Variants in TBC1D31 observed in about 807,000 individuals in gnomAD.
TBC1D31 encodes TBC1 domain family member 31.
A neutral mutation model predicts 132.9 loss-of-function variants in TBC1D31; 99 were observed. The ratio of observed to expected loss-of-function variants is 0.74; its 90% CI spans 0.63 to 0.88. The LOEUF (loss-of-function observed/expected upper bound fraction) is 0.88, where lower values mean the gene tolerates loss of function less well. Ranked by LOEUF, TBC1D31 falls within the 40% of genes least tolerant of loss-of-function variation. The pLI is 0.00. For synonymous variants in TBC1D31, 385 were observed against 419.4 expected (o/e 0.92, Z 1.00); for missense variants, 1,134 against 1,256.6 (o/e 0.90, Z 1.48).
chr8:123,073,009 C>G (rs774854579), intron 1 of TBC1D31, among the ~76,000 whole-genome samples, 163 bp downstream of exon 1: 2 of 152,172 alleles, frequency 1.3e-5, no homozygotes, highest in Non-Finnish European at 2.9e-5. Flanking sequence ...CGCCAGGGTC[C>G]GCAGAGATCC....
intron 10 of TBC1D31, among the ~76,000 whole-genome samples, 178 bp from the exon 11 acceptor site, chr8:123,119,877 T>C (rs1819305881): frequency 6.6e-6 from 1 of 152,178 alleles, no homozygotes; most frequent in Non-Finnish European, 1.5e-5. Flanking sequence ...ATACTACCAT[T>C]TGTGGTTTTT....
rs537913698 is a variant in TBC1D31, at chr8:123,078,758, T to C, written c.224+1501T>C. On this transcript the variant is annotated intron_variant, in intron 2 of 21. Transcript: ENST00000287380. ...GTCATATTGGAGATGGGTCATGCAT[T>C]GAATAAAATTGAAATCTATGAGTTC... Among the ~76,000 whole-genome samples, 10 of 152,226 alleles carry C rather than the reference T, an allele frequency of 6.6e-5. No individual in the cohort carries two copies. The East Asian group carries it at 1.7e-3, about 26-fold the overall frequency.
At chr8:123,079,695 T>C (rs926433857) in intron 2 of TBC1D31, among the ~76,000 whole-genome samples, 2 of 152,226 alleles carry the variant, frequency 1.3e-5, no homozygotes, top group Non-Finnish European at 2.9e-5. Flanking sequence ...TGCAAACCTT[T>C]ACCAATTTCC....
chr8:123,073,258 C>A, intron 1 of TBC1D31: 1 of 465,346 alleles, frequency 2.1e-6, no homozygotes. Flanking sequence ...GACAATTCTG[C>A]CTCTTCCAAA....
chr8:123,083,939 G>A, intron 3 of TBC1D31: 1 of 440,520 alleles, frequency 2.3e-6, no homozygotes, highest in Non-Finnish European at 4.0e-6. Flanking sequence ...CTTCATCAAA[G>A]CCTTTGTCAG....
chr8:123,161,874 C>T, the TBC1D31 span, among the ~76,000 whole-genome samples: 11 of 151,612 alleles, frequency 7.3e-5, no homozygotes, highest in Non-Finnish European at 1.5e-4. Flanking sequence ...AAAAATTAGC[C>T]GGGCGTGGTG....
the TBC1D31 span, among the ~76,000 whole-genome samples, chr8:123,160,684 C>T: frequency 1.3e-5 from 2 of 152,172 alleles, no homozygotes; most frequent in Non-Finnish European, 2.9e-5. Flanking sequence ...GGACACACCG[C>T]GCCACTAGCC....
chr8:123,134,300 G>C (rs1023762265), intron 17 of TBC1D31, 94 bp downstream of exon 17: 90 of 921,066 alleles, frequency 9.8e-5, no homozygotes, highest in Non-Finnish European at 1.5e-4. Flanking sequence ...AGGATGAGGT[G>C]GAAGGAGGAT....
At chr8:123,102,298 G>A (rs1159663263) in intron 7 of TBC1D31, 1 of 456,266 alleles carries the variant, frequency 2.2e-6, no homozygotes, top group South Asian at 1.6e-5. Flanking sequence ...AGCAGTTCTG[G>A]GTGTTCCAAT....
chr8:123,123,338 C>T (rs1004842471), intron 11 of TBC1D31: 7 of 173,104 alleles, frequency 4.0e-5, no homozygotes, highest in African/African-American at 1.7e-4. Context: ...AACCTACACC[C>T]CTCCTAAAGG....
chr8:123,105,219 T>A, intron 7 of TBC1D31, 69 bp from the exon 8 acceptor site: 1 of 1,208,012 alleles, frequency 8.3e-7, no homozygotes, highest in Non-Finnish European at 1.1e-6. Context: ...ATTTTGAAAA[T>A]CATACATTAA....
chr8:123,076,019 GA>G (rs938424047), intron 1 of TBC1D31, among the ~76,000 whole-genome samples: 5 of 152,116 alleles, frequency 3.3e-5, no homozygotes, highest in African/African-American at 7.2e-5. Flanking sequence ...GTAGAAAGGG[GA>G]AAAAAATTAA....
chr8:123,161,900 C>G, the TBC1D31 span, among the ~76,000 whole-genome samples: 3 of 151,432 alleles, frequency 2.0e-5, no homozygotes, highest in Non-Finnish European at 2.9e-5. Flanking sequence ...CGCCTGTGAT[C>G]CCAGCTACTC....
rs953461044 is a variant in TBC1D31, at chr8:123,077,339, A to C, written c.224+82A>C. On this transcript the variant is annotated intron_variant, in intron 2 of 21. Transcript: ENST00000287380. ...TTTTCGTACCTGCTATTCATTATTC[A>C]TTCAGAAAGATTTATTAAGTTCTAT... The C allele has an allele frequency of 1.4e-5, 18 of 1,322,646 alleles. No homozygotes were observed. The South Asian group carries it at 2.7e-4, about 19-fold the overall frequency. The allele number at this position is 1,322,646 out of a possible 1,614,324, so 81.9% of individuals were successfully genotyped here. A position where few individuals can be genotyped will look rare whatever the true frequency, so the allele number is the denominator to read the frequency against.
At chr8:123,100,028 C>T (rs1439006570) in intron 6 of TBC1D31, among the ~76,000 whole-genome samples, 1 of 152,168 alleles carries the variant, frequency 6.6e-6, no homozygotes, top group African/African-American at 2.4e-5. Context: ...AATCACCTCT[C>T]ATTAGGCCCT....
chr8:123,110,009 G>A (rs1185963047), intron 10 of TBC1D31, among the ~76,000 whole-genome samples: 3 of 152,210 alleles, frequency 2.0e-5, no homozygotes, highest in East Asian at 3.9e-4. Context: ...AGGGAGAATC[G>A]GTTGAACCCT....
Position 123,126,379 on chromosome 8 carries a change from GTAGT to G in TBC1D31, c.1705-126_1705-123del. ...TCTGTAAAGAAGGGTCCAAATTAAG[GTAGT>G]TATTTTCATAATTATGTATTTAATA... On this transcript the variant is annotated intron_variant, in intron 12 of 21. Coordinates refer to ENST00000287380, the MANE Select transcript of TBC1D31 (RefSeq NM_145647.4). The G allele has an allele frequency of 1.7e-5, 20 of 1,162,642 alleles. 1 individual carries two copies. The highest frequency in any genetic ancestry group is 2.4e-5 in the Non-Finnish European group (20 of 842,818). 72.0% of individuals were successfully genotyped at this position (1,162,642 alleles called of 1,614,324 possible). A position where few individuals can be genotyped will look rare whatever the true frequency, so the allele number is the denominator to read the frequency against.
chr8:123,086,811 C>T (rs946211151), intron 4 of TBC1D31, among the ~76,000 whole-genome samples: 8 of 152,064 alleles, frequency 5.3e-5, no homozygotes, highest in African/African-American at 1.9e-4. Context: ...CCTCTGCCTC[C>T]CAGATTCAAG....
chr8:123,162,911 C>G, the TBC1D31 span, among the ~76,000 whole-genome samples: 2 of 152,110 alleles, frequency 1.3e-5, no homozygotes, highest in Non-Finnish European at 2.9e-5. Flanking sequence ...CAGCTCACTG[C>G]AACTTCCGCC....
Sources: allele counts gnomAD v4.1 joint callset (sites outside exome capture counted in the v4.1 genomes callset), GRCh38; gene constraint gnomAD v4.1.1; transcripts MANE v1.5; gene names NCBI Gene and HGNC (gene_info 2026-07-23, HGNC 2026-07-21).